BTG4: variants seen among roughly 807,000 people sequenced by gnomAD.
BTG4 encodes the protein BTG anti-proliferation factor 4.
A neutral mutation model predicts 19.3 loss-of-function variants in BTG4; 10 were observed. The observed-to-expected ratio is 0.52, with a 90% CI of 0.32 to 0.88. The LOEUF (loss-of-function observed/expected upper bound fraction) is 0.88, where lower values mean the gene tolerates loss of function less well. Ranked by LOEUF, BTG4 falls within the 40% of genes least tolerant of loss-of-function variation. BTG4 has a pLI of 0.04. For synonymous variants in BTG4, 91 were observed against 95.7 expected (o/e 0.95, Z 0.29); for missense variants, 238 against 281.9 (o/e 0.84, Z 1.11).
the BTG4 span, among the ~76,000 whole-genome samples, chr11:111,401,344 G>A: frequency 0.1 from 6 of 58 alleles, no homozygotes; most frequent in South Asian, 0.5. Context: ...TTAGCCGGGC[G>A]TGGTGGAGGC....
At chr11:111,472,488 A>G (rs1864129348) in intron 5 of BTG4, among the ~76,000 whole-genome samples, 1 of 152,172 alleles carries the variant, frequency 6.6e-6, no homozygotes, top group Non-Finnish European at 1.5e-5. Flanking sequence ...GATGCTGCTA[A>G]ACAGCCTACA....
chr11:111,512,138 GCCCA>G (rs1222374516), intron 1 of BTG4, 39 bp downstream of exon 1: 2 of 152,170 alleles, frequency 1.3e-5, no homozygotes, highest in African/African-American at 2.4e-5. Context: ...GGCTACCCAA[GCCCA>G]CCTCCATTTG....
At chr11:111,490,953 T>C (rs1471197820), downstream of BTG4, among the ~76,000 whole-genome samples, 1 of 152,252 alleles carries the variant, frequency 6.6e-6, no homozygotes, top group African/African-American at 2.4e-5. Context: ...AGCAGTTTTA[T>C]TCCTAATAAC....
At chr11:111,402,962 C>G in the BTG4 span, among the ~76,000 whole-genome samples, 4 of 152,126 alleles carry the variant, frequency 2.6e-5, no homozygotes, top group African/African-American at 9.7e-5. Flanking sequence ...TGGAACTGAT[C>G]ACCGCTTTGC....
the BTG4 span, among the ~76,000 whole-genome samples, chr11:111,418,951 G>A: frequency 2.1e-4 from 32 of 152,188 alleles, no homozygotes; most frequent in Non-Finnish European, 8.8e-5. Context: ...AGGTGTCAGC[G>A]GGGTTGTTTC....
the BTG4 span, among the ~76,000 whole-genome samples, chr11:111,421,126 A>C: frequency 1.3e-5 from 2 of 152,242 alleles, no homozygotes; most frequent in African/African-American, 2.4e-5. Flanking sequence ...AAGTGGCTGG[A>C]GTCCAGAGAT....
downstream of BTG4, among the ~76,000 whole-genome samples, chr11:111,490,483 AC>A (rs1865349812): frequency 1.3e-5 from 2 of 152,236 alleles, no homozygotes; most frequent in South Asian, 4.1e-4. Flanking sequence ...AATACAAGGT[AC>A]AAACTGGAAG....
At chr11:111,436,315 T>C in the BTG4 span, among the ~76,000 whole-genome samples, 1 of 152,144 alleles carries the variant, frequency 6.6e-6, no homozygotes, top group Non-Finnish European at 1.5e-5. Context: ...ACCTGGCAAC[T>C]GGATAAATGG....
chr11:111,505,515 A>C (rs1866387080), intron 1 of BTG4, among the ~76,000 whole-genome samples: 2 of 152,120 alleles, frequency 1.3e-5, no homozygotes, highest in African/African-American at 4.8e-5. Context: ...TCAAAACTGA[A>C]ACTATAAAAA....
At chr11:111,401,341 G>A in the BTG4 span, among the ~76,000 whole-genome samples, 6 of 46 alleles carry the variant, frequency 0.13, no homozygotes, top group Admixed American at 0.5. Flanking sequence ...AAATTAGCCG[G>A]GCGTGGTGGA....
At chr11:111,447,772 T>C in the BTG4 span, among the ~76,000 whole-genome samples, 1 of 152,170 alleles carries the variant, frequency 6.6e-6, no homozygotes, top group African/African-American at 2.4e-5. Flanking sequence ...ATATCTTAGA[T>C]TTCATCCTCA....
At chr11:111,434,744 T>C in the BTG4 span, among the ~76,000 whole-genome samples, 1 of 151,598 alleles carries the variant, frequency 6.6e-6, no homozygotes, top group Non-Finnish European at 1.5e-5. Flanking sequence ...ATTAGTAGCA[T>C]TGGCAGACTC....
At chr11:111,488,400 G>A (rs192094200) in intron 5 of BTG4, among the ~76,000 whole-genome samples, 14 of 152,230 alleles carry the variant, frequency 9.2e-5, no homozygotes, top group Admixed American at 6.5e-4. Context: ...ATCCATACAC[G>A]AAAGAATGAA....
the BTG4 span, among the ~76,000 whole-genome samples, chr11:111,405,484 C>T: frequency 3.4e-5 from 5 of 146,968 alleles, no homozygotes; most frequent in East Asian, 2.1e-4. Flanking sequence ...TACCTGGCCT[C>T]GCACTGAGAA....
chr11:111,456,311 A>G, the BTG4 span, among the ~76,000 whole-genome samples: 3 of 151,982 alleles, frequency 2.0e-5, no homozygotes, highest in Non-Finnish European at 2.9e-5. This position sits in a 1 kb window ranked among gnomAD's most constrained non-coding sequence, Gnocchi z 4.2. Flanking sequence ...CGGCCTGCGC[A>G]ATGATATCAC....
At chr11:111,499,564 AAC>A (rs1277784501) in intron 1 of BTG4, among the ~76,000 whole-genome samples, 1 of 152,248 alleles carries the variant, frequency 6.6e-6, no homozygotes, top group East Asian at 1.9e-4. Context: ...TATCTTTTAT[AAC>A]ACAGAGTGAG....
chr11:111,441,934 C>T, the BTG4 span, among the ~76,000 whole-genome samples: 31 of 151,886 alleles, frequency 2.0e-4, 1 homozygote, highest in East Asian at 6.0e-3. Flanking sequence ...TGGTGCATGC[C>T]TATAATCCCA....
At chr11:111,483,712 C>A (rs927976452) in intron 5 of BTG4, among the ~76,000 whole-genome samples, 2 of 152,086 alleles carry the variant, frequency 1.3e-5, no homozygotes, top group Admixed American at 1.3e-4. Context: ...AAGAAGCACA[C>A]CTACAAGATC....
At chr11:111,472,592 G>A (rs1343681561) in intron 5 of BTG4, among the ~76,000 whole-genome samples, 1 of 152,038 alleles carries the variant, frequency 6.6e-6, no homozygotes, top group Non-Finnish European at 1.5e-5. Flanking sequence ...TTCTTATCTT[G>A]GTTCAAATAT....
Sources: gnomAD v4.1 joint callset for allele counts (sites outside exome capture counted in the v4.1 genomes callset) on GRCh38, gnomAD v4.1.1 for gene constraint, Gnocchi (gnomAD v3.1) non-coding constraint, MANE v1.5 for transcripts, NCBI Gene and HGNC (gene_info 2026-07-23, HGNC 2026-07-21) for gene names.